Variants in KTN1 observed in about 807,000 individuals in gnomAD.
KTN1 encodes the protein kinectin.
Under a neutral mutation model 222.5 loss-of-function variants are expected in KTN1, and 130 were observed. That is an observed-to-expected ratio of 0.58 (90% CI 0.51 to 0.68). KTN1 has a LOEUF of 0.68. Among genes scored for constraint, KTN1 ranks in the 30% least tolerant of loss-of-function variants. The pLI is 0.00. For synonymous variants in KTN1, 512 were observed against 496.3 expected (o/e 1.03, Z -0.42); for missense variants, 1,508 against 1,500.4 (o/e 1.01, Z -0.08).
At chr14:55,648,584 T>A (rs78922774) in intron 20 of KTN1, among the ~76,000 whole-genome samples, 9,189 of 152,242 alleles carry the variant, frequency 0.06, 383 homozygotes, top group South Asian at 0.089. Context: ...TGAGTGGAAA[T>A]ATATGTGGAT....
At chr14:55,679,736 T>C in intron 43 of KTN1, 51 bp downstream of exon 43, 3 of 1,551,326 alleles carry the variant, frequency 1.9e-6, no homozygotes, top group Non-Finnish European at 2.7e-6. Context: ...GTTATGTGTC[T>C]GTGTAATGTG....
intron 18 of KTN1, among the ~76,000 whole-genome samples, chr14:55,646,453 CT>C (rs71131300): frequency 0.18 from 16,342 of 91,904 alleles, 2,448 homozygotes; most frequent in South Asian, 0.24. Flanking sequence ...TTTCCTTTTC[CT>C]TTTCCTTTTC....
At chr14:55,585,796 A>G (rs2032865219) in intron 1 of KTN1, among the ~76,000 whole-genome samples, 1 of 152,238 alleles carries the variant, frequency 6.6e-6, no homozygotes, top group South Asian at 2.1e-4. Context: ...GGAGAATGTC[A>G]GTTAATCCAG....
At chr14:55,615,934 G>T (rs1052093290) in intron 2 of KTN1, among the ~76,000 whole-genome samples, 10 of 139,672 alleles carry the variant, frequency 7.2e-5, no homozygotes, top group African/African-American at 2.7e-4. Flanking sequence ...TTTTTCTTTC[G>T]ACAGGGTCTT....
At chr14:55,646,409 CT>C (rs933796345) in intron 18 of KTN1, among the ~76,000 whole-genome samples, 14 of 144,280 alleles carry the variant, frequency 9.7e-5, no homozygotes, top group East Asian at 6.2e-4. Flanking sequence ...TTCTTTCTTC[CT>C]TTTTTTCCTT....
intron 2 of KTN1, among the ~76,000 whole-genome samples, chr14:55,613,439 G>T (rs1443894012): frequency 2.6e-5 from 4 of 151,448 alleles, no homozygotes; most frequent in Non-Finnish European, 5.9e-5. Flanking sequence ...GAAAGGACTT[G>T]TATGTACCAT....
At chr14:55,660,996 T>A (rs373754922) in intron 31 of KTN1, among the ~76,000 whole-genome samples, 2 of 152,340 alleles carry the variant, frequency 1.3e-5, no homozygotes, top group East Asian at 1.9e-4. Flanking sequence ...TGCCATTGCC[T>A]TCTGCGTTTC....
chr14:55,618,257 A>G (rs747170969), intron 4 of KTN1, 123 bp downstream of exon 4: 5 of 717,592 alleles, frequency 7.0e-6, no homozygotes, highest in Non-Finnish European at 1.1e-5. Flanking sequence ...TCCTTGTGGT[A>G]GAAGACTTAT....
intron 37 of KTN1, 178 bp downstream of exon 37, chr14:55,672,055 C>G (rs1380802487): frequency 1.9e-6 from 1 of 539,660 alleles, no homozygotes; most frequent in East Asian, 3.0e-5. Context: ...TAATGCCCAC[C>G]CAAGTTTGAA....
At position 55,640,011 on chromosome 14, in the gene KTN1, A is replaced by G; in HGVS notation, c.1914+8A>G. 1 of 1,456,986 alleles carries G rather than the reference A, an allele frequency of 6.9e-7. No individual in the cohort carries two copies. Among genetic ancestry groups the G allele is most frequent in the Non-Finnish European group, 9.6e-7 (1 of 1,039,716 alleles). The allele number at this position is 1,456,986 out of a possible 1,614,324, so 90.3% of individuals were successfully genotyped here. ...AAAGAAGAGGAACTTAAGGTATAGT[A>G]ATTTGTATAAATGGCTGCAATATTT... On this transcript the variant is annotated splice_region_variant and intron_variant, in intron 14 of 43. Transcript: ENST00000395314.
intron 25 of KTN1, 139 bp from the exon 26 acceptor site, chr14:55,652,711 A>G (rs974114261): frequency 1.2e-5 from 7 of 607,288 alleles, no homozygotes; most frequent in East Asian, 2.9e-5. Context: ...GTATGCCTTT[A>G]TACTTGATAA....
At chr14:55,675,294 T>G (rs1161911337) in intron 40 of KTN1, 1 of 152,292 alleles carries the variant, frequency 6.6e-6, no homozygotes, top group East Asian at 1.9e-4. Context: ...CATAGGTATA[T>G]CGTAAAGCAT....
At chr14:55,676,782 A>G (rs773308588) in intron 41 of KTN1, among the ~76,000 whole-genome samples, 13 of 152,076 alleles carry the variant, frequency 8.5e-5, no homozygotes, top group Non-Finnish European at 1.5e-4. Flanking sequence ...TTTTGATTCT[A>G]TATGCTTATA....
chr14:55,604,918 A>T (rs182470988), intron 1 of KTN1, among the ~76,000 whole-genome samples: 36 of 152,290 alleles, frequency 2.4e-4, no homozygotes, highest in Admixed American at 6.5e-4. Context: ...CTGATTTAGA[A>T]TCCATAGTAG....
intron 6 of KTN1, among the ~76,000 whole-genome samples, chr14:55,629,417 CAAAAAAAAAAA>C (rs58348373): frequency 2.0e-5 from 1 of 49,148 alleles, no homozygotes; most frequent in African/African-American, 7.3e-5. Context: ...GACTCCGTCT[CAAAAAAAAAAA>C]AAAAAAAAAA....
At chr14:55,604,080 C>T (rs1293251443) in intron 1 of KTN1, among the ~76,000 whole-genome samples, 2 of 152,208 alleles carry the variant, frequency 1.3e-5, no homozygotes, top group Non-Finnish European at 2.9e-5. Flanking sequence ...CAGTAGTTTT[C>T]CCATATTACT....
At chr14:55,598,721 T>C (rs1325084323) in intron 1 of KTN1, among the ~76,000 whole-genome samples, 1 of 152,240 alleles carries the variant, frequency 6.6e-6, no homozygotes, top group Non-Finnish European at 1.5e-5. Flanking sequence ...ATTCTTTGGC[T>C]TCTATTGCTA....
At chr14:55,653,445 C>T in intron 27 of KTN1, 114 bp from the exon 28 acceptor site, 1 of 722,320 alleles carries the variant, frequency 1.4e-6, no homozygotes, top group Non-Finnish European at 2.3e-6. Context: ...CTTAAATTTA[C>T]TGCATATAAT....
chr14:55,657,149 A>C (rs951104114), intron 29 of KTN1, among the ~76,000 whole-genome samples: 2 of 152,198 alleles, frequency 1.3e-5, no homozygotes, highest in Non-Finnish European at 2.9e-5. Flanking sequence ...AAATTTTGTT[A>C]GACAATGCTA....
Sources: allele counts gnomAD v4.1 joint callset (sites outside exome capture counted in the v4.1 genomes callset), GRCh38; gene constraint gnomAD v4.1.1; transcripts MANE v1.5; gene names NCBI Gene and HGNC (gene_info 2026-07-23, HGNC 2026-07-21).